ADCY2: variants seen among roughly 807,000 people sequenced by gnomAD.
ADCY2 encodes adenylate cyclase type 2.
A neutral mutation model predicts 125.2 loss-of-function variants in ADCY2; 31 were observed. The observed-to-expected ratio is 0.25, with a 90% CI of 0.19 to 0.33. The LOEUF (loss-of-function observed/expected upper bound fraction) is 0.33, where lower values mean the gene tolerates loss of function less well. Ranked by LOEUF, ADCY2 falls within the 10% of genes least tolerant of loss-of-function variation. ADCY2 has a pLI of 1.00. For synonymous variants in ADCY2, 512 were observed against 548.4 expected (o/e 0.93, Z 0.93); for missense variants, 904 against 1,418.2 (o/e 0.64, Z 5.82).
At chr5:7,630,109 C>CTGG (rs1738267122) in intron 4 of ADCY2, among the ~76,000 whole-genome samples, 1 of 152,042 alleles carries the variant, frequency 6.6e-6, no homozygotes, top group African/African-American at 2.4e-5. Context: ...CATGCTATAC[C>CTGG]TGGATTCTGC....
intron 3 of ADCY2, among the ~76,000 whole-genome samples, chr5:7,521,499 CATG>C (rs1744444467): frequency 6.6e-6 from 1 of 152,184 alleles, no homozygotes; most frequent in African/African-American, 2.4e-5. Flanking sequence ...CACCTATAAA[CATG>C]AGGATGATTT....
intron 2 of ADCY2, among the ~76,000 whole-genome samples, chr5:7,417,043 A>G (rs1437646795): frequency 6.6e-6 from 1 of 152,218 alleles, no homozygotes; most frequent in African/African-American, 2.4e-5. Flanking sequence ...GTTATGAAAG[A>G]TATTTAAAGC....
chr5:7,533,106 T>C (rs1362906317), intron 3 of ADCY2, among the ~76,000 whole-genome samples: 1 of 150,156 alleles, frequency 6.7e-6, no homozygotes, highest in Non-Finnish European at 1.5e-5. Context: ...CATGTATATA[T>C]ACACATATAT....
chr5:7,744,264 T>G (rs1356425768), intron 15 of ADCY2, among the ~76,000 whole-genome samples: 1 of 151,954 alleles, frequency 6.6e-6, no homozygotes, highest in Non-Finnish European at 1.5e-5. Context: ...GACAAATACC[T>G]AATGCATGCG....
At chr5:7,644,334 A>G (rs1579270385) in intron 4 of ADCY2, among the ~76,000 whole-genome samples, 1 of 151,904 alleles carries the variant, frequency 6.6e-6, no homozygotes, top group Admixed American at 6.6e-5. Context: ...TTGGGGAAAA[A>G]CTATTCTTGA....
intron 3 of ADCY2, among the ~76,000 whole-genome samples, chr5:7,600,193 G>T (rs1737153648): frequency 6.6e-6 from 1 of 152,178 alleles, no homozygotes; most frequent in Admixed American, 6.5e-5. Flanking sequence ...AGATAAAGAG[G>T]GAAGGCATGG....
At chr5:7,787,850 A>G (rs1744129300) in intron 19 of ADCY2, among the ~76,000 whole-genome samples, 1 of 152,182 alleles carries the variant, frequency 6.6e-6, no homozygotes, top group Non-Finnish European at 1.5e-5. Context: ...AACCTGAGCA[A>G]CATCCTAGCA....
At chr5:7,693,055 T>C (rs1014761228) in intron 5 of ADCY2, among the ~76,000 whole-genome samples, 1 of 152,200 alleles carries the variant, frequency 6.6e-6, no homozygotes, top group African/African-American at 2.4e-5. Context: ...CTGAACTCTG[T>C]TGCTCAGCCA....
chr5:7,589,555 A>G (rs1736781172), intron 3 of ADCY2, among the ~76,000 whole-genome samples: 1 of 150,946 alleles, frequency 6.6e-6, no homozygotes, highest in South Asian at 2.1e-4. Context: ...GGGAAGGAGG[A>G]AGGAAGGAAG....
At position 7,757,657 on chromosome 5, in the gene ADCY2, C is replaced by T. The variant is rs1335067269; in HGVS notation, c.2094+71C>T. On this transcript the variant is annotated intron_variant, in intron 16 of 24. Transcript: ENST00000338316. The stretch of plus-strand genomic sequence containing the variant: ...CATGGCCGTGTTCAACATGGTAAGC[C>T]CCAGACCACAGCCGTGTTCAACATG... 2.0e-6 allele frequency: 3 copies of T among 1,536,586 alleles called. No homozygotes were observed. The African/African-American group carries it at 4.1e-5, about 21-fold the overall frequency.
chr5:7,581,838 AAAAG>A (rs1736447685), intron 3 of ADCY2, among the ~76,000 whole-genome samples: 2 of 151,912 alleles, frequency 1.3e-5, no homozygotes, highest in African/African-American at 2.4e-5. Flanking sequence ...AAAAAAAAGA[AAAAG>A]AAAAAGAAAA....
chr5:7,505,937 A>C (rs921656219), intron 2 of ADCY2, among the ~76,000 whole-genome samples: 2 of 152,218 alleles, frequency 1.3e-5, no homozygotes, highest in Non-Finnish European at 2.9e-5. Flanking sequence ...AGTGAATATA[A>C]ATAAAAGCCC....
In ADCY2 at chr5:7,396,371, G is replaced by C. The variant is rs949744582; in HGVS notation, c.75G>C (p.Gly25=). 6.4e-7 allele frequency: 1 copy of C among 1,556,292 alleles called. No individual in the cohort carries two copies. Among genetic ancestry groups the C allele is most frequent in the Non-Finnish European group, 8.7e-7 (1 of 1,152,690 alleles). The change falls in exon 1 of 25, where the codon GGG becomes GGC. Residue 25 remains glycine (G), a synonymous_variant. Transcript: ENST00000338316. This position sits in a 1 kb window ranked among gnomAD's most constrained non-coding sequence, Gnocchi z 5.7. ...RSEEAAGGGD[G]LPRSRDWLYE... ...AGGAGGCGGCGGGCGGCGGAGACGG[G>C]CTGCCGCGGTCCCGGGACTGGCTCT...
chr5:7,654,866 G>A (rs1739266119), intron 4 of ADCY2, among the ~76,000 whole-genome samples: 1 of 152,206 alleles, frequency 6.6e-6, no homozygotes, highest in Admixed American at 6.5e-5. Context: ...AGGAGGCCGA[G>A]ATCTTGGGAC....
chr5:7,443,198 C>T (rs1034729737), intron 2 of ADCY2, among the ~76,000 whole-genome samples: 2 of 152,046 alleles, frequency 1.3e-5, no homozygotes, highest in East Asian at 1.9e-4. Flanking sequence ...GAACTAGAAA[C>T]GAAGTGTTTT....
At chr5:7,608,076 G>A (rs1240293185) in intron 3 of ADCY2, among the ~76,000 whole-genome samples, 3 of 151,948 alleles carry the variant, frequency 2.0e-5, no homozygotes, top group African/African-American at 4.8e-5. Context: ...CTACTTAGCA[G>A]GCAAAAAAGA....
intron 23 of ADCY2, among the ~76,000 whole-genome samples, chr5:7,817,198 G>A (rs1199506653): frequency 1.3e-5 from 2 of 151,796 alleles, no homozygotes; most frequent in African/African-American, 4.8e-5. Flanking sequence ...AGTCAAGGTC[G>A]CGTCTACAAA....
At chr5:7,697,854 T>C (rs1333268123) in intron 6 of ADCY2, among the ~76,000 whole-genome samples, 2 of 152,188 alleles carry the variant, frequency 1.3e-5, no homozygotes, top group Non-Finnish European at 2.9e-5. Flanking sequence ...TTCTAATTTA[T>C]ACTGAGTGCT....
intron 16 of ADCY2, among the ~76,000 whole-genome samples, chr5:7,761,137 T>C (rs999921694): frequency 1.2e-5 from 1 of 84,516 alleles, no homozygotes; most frequent in Non-Finnish European, 2.3e-5. Flanking sequence ...AAATTTCTTT[T>C]CTTTTCTTTT....
Sources: gnomAD v4.1 joint callset for allele counts (sites outside exome capture counted in the v4.1 genomes callset) on GRCh38, gnomAD v4.1.1 for gene constraint, Gnocchi (gnomAD v3.1) non-coding constraint, MANE v1.5 for transcripts, NCBI Gene and HGNC (gene_info 2026-07-23, HGNC 2026-07-21) for gene names.